The following POSTN variants were observed in gnomAD, a reference collection of about 807,000 sequenced individuals.
POSTN encodes osteoblast specific factor 2 (fasciclin I-like).
In POSTN, 71 loss-of-function variants were observed where a neutral mutation model predicts 104.5. That is an observed-to-expected ratio of 0.68 (90% CI 0.56 to 0.83). POSTN has a LOEUF of 0.83. Among genes scored for constraint, POSTN ranks in the 40% least tolerant of loss-of-function variants. The pLI is 0.00. For synonymous variants in POSTN, 355 were observed against 340.7 expected (o/e 1.04, Z -0.46); for missense variants, 949 against 1,006.8 (o/e 0.94, Z 0.78).
At chr13:37,597,407 C>G (rs1269769888) in intron 1 of POSTN, 125 bp from the exon 2 acceptor site, 4 of 644,380 alleles carry the variant, frequency 6.2e-6, no homozygotes, top group Non-Finnish European at 1.0e-5. Context: ...ATGATTCTAG[C>G]CTTGCACAAA....
chr13:37,574,870 A>C (rs372469540), intron 16 of POSTN, among the ~76,000 whole-genome samples: 6 of 151,906 alleles, frequency 3.9e-5, no homozygotes, highest in Non-Finnish European at 8.8e-5. Flanking sequence ...CTTGAATTTG[A>C]TCTAGTGAAA....
At chr13:37,575,700 C>T (rs1230921669) in intron 16 of POSTN, among the ~76,000 whole-genome samples, 2 of 152,118 alleles carry the variant, frequency 1.3e-5, no homozygotes, top group Non-Finnish European at 2.9e-5. Flanking sequence ...TTGGTTTCTG[C>T]AGTTCTCACC....
Position 37,587,846 on chromosome 13 carries a change from A to T in POSTN, c.582T>A (p.Leu194=). 1 of 1,602,842 alleles carries T rather than the reference A, an allele frequency of 6.2e-7. No homozygotes were observed. Among genetic ancestry groups the T allele is most frequent in the Non-Finnish European group, 8.5e-7 (1 of 1,171,448 alleles). Residue 194 remains leucine (L), a synonymous_variant, in exon 5 of 23, where the codon CTT becomes CTA. Coordinates refer to ENST00000379747, the MANE Select transcript of POSTN (RefSeq NM_006475.3). ...CCCCATTAGGATAATGGTTAATGAA[A>T]AGCCCCAAATTGTTATACATTGAAG... The part of the protein sequence containing the change: ...IIPSMYNNLG[L]FINHYPNGVV...
intron 6 of POSTN, 27 bp downstream of exon 6, chr13:37,586,755 C>T: frequency 6.3e-7 from 1 of 1,593,854 alleles, no homozygotes; most frequent in Non-Finnish European, 8.6e-7. Context: ...ATTTCAATGA[C>T]TCAAGACAAT....
At chr13:37,580,532 C>G (rs780646291) in intron 11 of POSTN, 29 bp downstream of exon 11, 2 of 1,613,058 alleles carry the variant, frequency 1.2e-6, no homozygotes, top group African/African-American at 1.3e-5. Flanking sequence ...AGCTCTCATT[C>G]TCTGTGGAGG....
At chr13:37,571,258 T>C (rs1481457699) in intron 18 of POSTN, 111 bp downstream of exon 18, 1 of 724,030 alleles carries the variant, frequency 1.4e-6, no homozygotes, top group Non-Finnish European at 2.2e-6. Flanking sequence ...CCACAATTTT[T>C]ATAAAATAAG....
intron 2 of POSTN, among the ~76,000 whole-genome samples, chr13:37,596,579 T>C (rs1951092716): frequency 6.6e-6 from 1 of 152,240 alleles, no homozygotes; most frequent in Admixed American, 6.5e-5. Context: ...ATATTAACTA[T>C]AATGATGAGC....
intron 19 of POSTN, 113 bp from the exon 20 acceptor site, chr13:37,569,934 G>T: frequency 1.5e-6 from 1 of 686,194 alleles, no homozygotes; most frequent in South Asian, 1.7e-5. Flanking sequence ...TGTTGCCATT[G>T]TTCAACTCTG....
chr13:37,567,707 A>G (rs1950156301), intron 21 of POSTN, among the ~76,000 whole-genome samples: 1 of 152,200 alleles, frequency 6.6e-6, no homozygotes, highest in African/African-American at 2.4e-5. Flanking sequence ...CTAAAGGAAT[A>G]AACTTCTGGG....
intron 17 of POSTN, among the ~76,000 whole-genome samples, chr13:37,572,402 G>A (rs1424499222): frequency 1.3e-5 from 2 of 151,500 alleles, no homozygotes; most frequent in South Asian, 2.1e-4. Context: ...AGTATTTCAT[G>A]CCATAATATT....
At chr13:37,567,773 A>C (rs1417555555) in intron 21 of POSTN, among the ~76,000 whole-genome samples, 1 of 152,154 alleles carries the variant, frequency 6.6e-6, no homozygotes, top group African/African-American at 2.4e-5. Context: ...TGAATGTCAT[A>C]TACTTAACTT....
intron 9 of POSTN, 60 bp downstream of exon 9, chr13:37,583,909 C>A (rs1305267710): frequency 1.3e-6 from 2 of 1,550,236 alleles, no homozygotes; most frequent in African/African-American, 2.8e-5. Context: ...TGCAAACAAT[C>A]ATCATAAAGA....
chr13:37,583,894 C>G, intron 9 of POSTN, 75 bp downstream of exon 9: 1 of 1,521,804 alleles, frequency 6.6e-7, no homozygotes. Context: ...TTTATTGTTT[C>G]TTATTGCAAA....
chr13:37,597,888 T>G (rs879365204), intron 1 of POSTN, among the ~76,000 whole-genome samples: 1 of 152,134 alleles, frequency 6.6e-6, no homozygotes, highest in Non-Finnish European at 1.5e-5. Flanking sequence ...CCCCTTCCCC[T>G]CTTAAAGGGA....
At chr13:37,589,740 C>G (rs970162900) in intron 4 of POSTN, among the ~76,000 whole-genome samples, 3 of 152,052 alleles carry the variant, frequency 2.0e-5, no homozygotes, top group African/African-American at 7.2e-5. Flanking sequence ...ATGTATATTT[C>G]ACTCTAGTAA....
intron 21 of POSTN, among the ~76,000 whole-genome samples, chr13:37,567,342 G>A (rs1950142178): frequency 6.6e-6 from 1 of 151,154 alleles, no homozygotes; most frequent in Non-Finnish European, 1.5e-5. Flanking sequence ...GAAGAGCATG[G>A]TTCAGATATG....
At chr13:37,589,100 A>G (rs987047860) in intron 4 of POSTN, among the ~76,000 whole-genome samples, 1 of 152,156 alleles carries the variant, frequency 6.6e-6, no homozygotes, top group African/African-American at 2.4e-5. Flanking sequence ...TATTGGGGGG[A>G]AAGAAAATTG....
intron 13 of POSTN, 45 bp downstream of exon 13, chr13:37,579,184 T>C: frequency 6.2e-7 from 1 of 1,605,558 alleles, no homozygotes; most frequent in Non-Finnish European, 8.5e-7. Context: ...TTAGATAACT[T>C]AATGATGGAT....
intron 2 of POSTN, among the ~76,000 whole-genome samples, chr13:37,596,499 T>C (rs1462920632): frequency 6.6e-6 from 1 of 152,186 alleles, no homozygotes; most frequent in African/African-American, 2.4e-5. Flanking sequence ...AAGTAATAAA[T>C]AATGCTTTCA....
Sources: allele counts gnomAD v4.1 joint callset (sites outside exome capture counted in the v4.1 genomes callset), GRCh38; gene constraint gnomAD v4.1.1; transcripts MANE v1.5; gene names NCBI Gene and HGNC (gene_info 2026-07-23, HGNC 2026-07-21).